RPS15A: variants seen among roughly 807,000 people sequenced by gnomAD.
The protein encoded by RPS15A is small ribosomal subunit protein uS8.
For synonymous variants in RPS15A, 55 were observed against 58.5 expected (o/e 0.94, Z 0.27); for missense variants, 62 against 163.4 (o/e 0.38, Z 3.38).
intron 3 of RPS15A, among the ~76,000 whole-genome samples, chr16:18,787,559 G>A (rs2029909359): frequency 6.6e-6 from 1 of 152,162 alleles, no homozygotes; most frequent in Non-Finnish European, 1.5e-5. Flanking sequence ...GTTTTACTTG[G>A]TTAAGGTGTT....
At chr16:18,788,178 A>G in intron 2 of RPS15A, 36 bp from the exon 3 acceptor site, 1 of 1,350,234 alleles carries the variant, frequency 7.4e-7, no homozygotes, top group Non-Finnish European at 1.1e-6. Context: ...AATAAAAGAC[A>G]TCAACTTGAG....
At chr16:18,784,431 G>A (rs1343042465) in intron 4 of RPS15A, 8 of 232,542 alleles carry the variant, frequency 3.4e-5, no homozygotes, top group Non-Finnish European at 3.3e-5. Context: ...ATTTTAGGTA[G>A]ACACGGGGTT....
In RPS15A at chr16:18,784,724, A is replaced by C. The variant is rs770686880; in HGVS notation, c.299+14T>G. ...TAGCATTAACTTCTTTTAATTAAGG[A>C]AAGGCCAACTTACCCAAACTGGCGG... On this transcript the variant is annotated intron_variant, in intron 4 of 4. Transcript: ENST00000322989. 1 of 1,583,752 alleles carries C rather than the reference A, an allele frequency of 6.3e-7. No homozygotes were observed. The highest frequency in any genetic ancestry group is 8.6e-7 in the Non-Finnish European group (1 of 1,168,512).
intron 1 of RPS15A, chr16:18,789,758 T>C (rs2029986808): frequency 6.6e-6 from 1 of 152,266 alleles, no homozygotes; most frequent in Admixed American, 6.5e-5. Flanking sequence ...ACTGAAGTTT[T>C]GAAAGACCAA....
Position 18,788,962 on chromosome 16 carries a change from A to G in RPS15A, c.133+19T>C. 6.2e-7 allele frequency: 1 copy of G among 1,604,912 alleles called. No homozygotes were observed. Among genetic ancestry groups the G allele is most frequent in the Non-Finnish European group, 8.5e-7 (1 of 1,176,740 alleles). ...AGAGTCTCACATGAAAACATAAAAC[A>G]CAGCGGCAGCAGACTTACCATGCTT... On this transcript the variant is annotated intron_variant, in intron 2 of 4. Transcript: ENST00000322989.
chr16:18,785,218 C>T (rs2141858779), intron 3 of RPS15A: 1 of 159,394 alleles, frequency 6.3e-6, no homozygotes, highest in East Asian at 1.8e-4. Context: ...GGTCTCAAAT[C>T]CTGAAGCTCT....
chr16:18,782,766 T>A lies in RPS15A; in HGVS notation c.*243A>T. The stretch of plus-strand genomic sequence containing the variant: ...AAAAAACTGAAATACAACTAAAATA[T>A]TTAGTGTCAAATACCTGGTTTTGGC... On this transcript the variant is annotated 3_prime_UTR_variant, in exon 5 of 5. Transcript: ENST00000322989. 2.8e-6 allele frequency: 1 copy of A among 354,030 alleles called. No individual in the cohort carries two copies. Among genetic ancestry groups the A allele is most frequent in the South Asian group, 6.9e-5 (1 of 14,482 alleles). The allele number at this position is 354,030 out of a possible 1,614,324, so 21.9% of individuals were successfully genotyped here.
At chr16:18,787,302 G>T (rs972507940) in intron 3 of RPS15A, among the ~76,000 whole-genome samples, 5 of 152,224 alleles carry the variant, frequency 3.3e-5, no homozygotes, top group Non-Finnish European at 5.9e-5. Flanking sequence ...AGTTGGGCCA[G>T]TAAGGCCCCT....
At position 18,782,318 on chromosome 16, in the gene RPS15A, A is replaced by T. The variant is rs917385400; in HGVS notation, c.*691T>A. On this transcript the variant is annotated 3_prime_UTR_variant, in exon 5 of 5. Coordinates refer to ENST00000322989, the MANE Select transcript of RPS15A (RefSeq NM_001019.5). ...TAAAAAAAAAAAAAAAAAAAAAAAA[A>T]TTCCTAGCAAGTATTTATTACAGCA... 1 of 139,276 alleles carries T rather than the reference A, an allele frequency of 7.2e-6. No individual in the cohort carries two copies. Among genetic ancestry groups the T allele is most frequent in the African/African-American group, 2.5e-5 (1 of 39,294 alleles). 8.6% of individuals were successfully genotyped at this position (139,276 alleles called of 1,614,324 possible).
intron 3 of RPS15A, 132 bp downstream of exon 3, chr16:18,787,931 T>C: frequency 1.5e-5 from 10 of 657,154 alleles, no homozygotes; most frequent in Non-Finnish European, 2.4e-5. Context: ...TGTCAATTTT[T>C]AAACCTTTTT....
Position 18,782,835 on chromosome 16 carries a change from G to A in RPS15A, c.*174C>T, listed in dbSNP as rs1903986679. The A allele has an allele frequency of 1.9e-6, 1 of 529,960 alleles. No homozygotes were observed. The highest frequency in any genetic ancestry group is 3.3e-6 in the Non-Finnish European group (1 of 299,522). 32.8% of individuals were successfully genotyped at this position (529,960 alleles called of 1,614,324 possible). A position where few individuals can be genotyped will look rare whatever the true frequency, so the allele number is the denominator to read the frequency against. On this transcript the variant is annotated 3_prime_UTR_variant, in exon 5 of 5. Coordinates refer to ENST00000322989, the MANE Select transcript of RPS15A (RefSeq NM_001019.5). ...TTTCTTAGGCATACTGGTTTCATAA[G>A]AACTTTTTCCCTTGGCTGTATTAGT...
chr16:18,783,189 G>T, intron 4 of RPS15A, 87 bp from the exon 5 acceptor site: 1 of 832,638 alleles, frequency 1.2e-6, no homozygotes, highest in Non-Finnish European at 2.0e-6. Context: ...ACTCATCAGT[G>T]GTTAAGGGCG....
intron 1 of RPS15A, 107 bp downstream of exon 1, chr16:18,790,137 T>G (rs1420239187): frequency 6.6e-6 from 1 of 152,366 alleles, no homozygotes; most frequent in Non-Finnish European, 1.5e-5. Context: ...GTGCACAGTC[T>G]GGGGCGCCCA....
rs774042316 is a variant in RPS15A, at chr16:18,789,143, G to A, written c.-5-25C>T. 1.9e-6 allele frequency: 3 copies of A among 1,593,762 alleles called. No homozygotes were observed. The African/African-American group carries it at 4.0e-5, about 21-fold the overall frequency. On this transcript the variant is annotated intron_variant, in intron 1 of 4. Transcript: ENST00000322989. ...GCTGTTCAAGGAAGACAAAACAGGA[G>A]GTTTTACTGGCATTGCCAACATCAA...
rs986737538 is a variant in RPS15A at position 18,782,846 on chromosome 16, C to G, written c.*163G>C. On this transcript the variant is annotated 3_prime_UTR_variant, in exon 5 of 5. Coordinates refer to ENST00000322989, the MANE Select transcript of RPS15A (RefSeq NM_001019.5). ...TACTGGTTTCATAAGAACTTTTTCC[C>G]TTGGCTGTATTAGTCACTTCAGGGA... The G allele has an allele frequency of 1.8e-6, 1 of 542,618 alleles. No individual in the cohort carries two copies. Among genetic ancestry groups the G allele is most frequent in the Non-Finnish European group, 3.3e-6 (1 of 307,462 alleles). 33.6% of individuals were successfully genotyped at this position (542,618 alleles called of 1,614,324 possible). A position where few individuals can be genotyped will look rare whatever the true frequency, so the allele number is the denominator to read the frequency against.
intron 1 of RPS15A, among the ~76,000 whole-genome samples, chr16:18,789,557 G>A (rs1212843455): frequency 6.6e-6 from 1 of 152,222 alleles, no homozygotes; most frequent in Non-Finnish European, 1.5e-5. Flanking sequence ...AAAATCAGCA[G>A]ATTCCATACT....
At position 18,782,729 on chromosome 16, in the gene RPS15A, G is replaced by GAAAA. The variant is rs56008565; in HGVS notation, c.*276_*279dup. On this transcript the variant is annotated 3_prime_UTR_variant, in exon 5 of 5. Coordinates refer to ENST00000322989, the MANE Select transcript of RPS15A (RefSeq NM_001019.5). Reference sequence around the variant, plus strand: ...AGAGTCAGACTCTGTCTCCAAAAAAGAAAAAAAAAAAAAAAAACTGAAATA... The same window carrying GAAAA: ...AGAGTCAGACTCTGTCTCCAAAAAAGAAAAAAAAAAAAAAAAAAAAACTGAAATA... 4.5e-4 allele frequency: 73 copies of GAAAA among 163,454 alleles called. No individual in the cohort carries two copies. Among genetic ancestry groups the GAAAA allele is most frequent in the South Asian group, 9.4e-4 (8 of 8,550 alleles). 10.1% of individuals were successfully genotyped at this position (163,454 alleles called of 1,614,324 possible). A position where few individuals can be genotyped will look rare whatever the true frequency, so the allele number is the denominator to read the frequency against.
intron 3 of RPS15A, chr16:18,785,932 A>G (rs1904040622): frequency 6.6e-6 from 1 of 152,242 alleles, no homozygotes; most frequent in Non-Finnish European, 1.5e-5. Context: ...AAGAATCGTA[A>G]GAGGATGTGA....
intron 3 of RPS15A, among the ~76,000 whole-genome samples, chr16:18,787,013 C>G (rs973662491): frequency 6.6e-6 from 1 of 152,124 alleles, no homozygotes. Context: ...TACAAGCGCC[C>G]GCCACTGCGC....
Sources: gnomAD v4.1 joint callset for allele counts (sites outside exome capture counted in the v4.1 genomes callset) on GRCh38, gnomAD v4.1.1 for gene constraint, MANE v1.5 for transcripts, NCBI Gene and HGNC (gene_info 2026-07-23, HGNC 2026-07-21) for gene names.